ZNF385D: variants seen among roughly 807,000 people sequenced by gnomAD.
The protein encoded by ZNF385D is zinc finger protein 385D, also known as zinc finger protein 659.
A neutral mutation model predicts 35.8 loss-of-function variants in ZNF385D; 15 were observed. The observed-to-expected ratio is 0.42, with a 90% CI of 0.28 to 0.64. The LOEUF (loss-of-function observed/expected upper bound fraction) is 0.64. Among genes scored for constraint, ZNF385D ranks in the 30% least tolerant of loss-of-function variants. The pLI is 0.23. For synonymous variants in ZNF385D, 212 were observed against 186.8 expected (o/e 1.13, Z -1.10); for missense variants, 474 against 494.6 (o/e 0.96, Z 0.39).
chr3:22,035,019 T>C (rs1273345463), intron 3 of ZNF385D, among the ~76,000 whole-genome samples: 3 of 152,170 alleles, frequency 2.0e-5, no homozygotes, highest in Non-Finnish European at 4.4e-5. Flanking sequence ...TACATAAAAT[T>C]TGTACATAAA....
chr3:22,142,887 G>T (rs1011071518), intron 3 of ZNF385D, among the ~76,000 whole-genome samples: 6 of 151,924 alleles, frequency 3.9e-5, no homozygotes, highest in Non-Finnish European at 8.8e-5. Flanking sequence ...ACCCCATAAA[G>T]AATAGCAATA....
chr3:22,081,709 C>T (rs371264535), intron 3 of ZNF385D, among the ~76,000 whole-genome samples: 2 of 152,156 alleles, frequency 1.3e-5, no homozygotes, highest in South Asian at 4.1e-4. Context: ...CCACGGCAGC[C>T]TTTGAGTTAA....
In ZNF385D at chr3:21,665,059, G is replaced by C. The variant is rs201872995; in HGVS notation, c.23-31C>G. On this transcript the variant is annotated intron_variant, in intron 1 of 7. Transcript: ENST00000281523. ...AAGACCAGAGCAAAGGGAGCAATCA[G>C]GGACACCACGCATGGAAAAAAACAC... is the stretch of plus-strand genomic sequence containing the variant. 9 of 1,549,944 alleles carry C rather than the reference G, an allele frequency of 5.8e-6. No individual in the cohort carries two copies. In the Admixed American group the frequency reaches 6.2e-5, roughly 11 times the overall value.
intron 3 of ZNF385D, among the ~76,000 whole-genome samples, chr3:21,994,621 A>G (rs4292250): frequency 0.66 from 99,665 of 151,970 alleles, 33,976 homozygotes; most frequent in African/African-American, 0.83. Context: ...CATGCTTCTT[A>G]TGTCCTTACA....
intron 3 of ZNF385D, among the ~76,000 whole-genome samples, chr3:21,848,713 A>G (rs924406432): frequency 1.3e-5 from 2 of 152,112 alleles, no homozygotes; most frequent in Non-Finnish European, 2.9e-5. Flanking sequence ...GAATAGTCGT[A>G]TAACTAGTAA....
At chr3:21,977,515 G>C (rs1703707865) in intron 3 of ZNF385D, among the ~76,000 whole-genome samples, 1 of 151,984 alleles carries the variant, frequency 6.6e-6, no homozygotes. Flanking sequence ...GTGTTTGCAG[G>C]TCTACCTAAA....
At chr3:21,988,293 T>C (rs1463533071) in intron 3 of ZNF385D, among the ~76,000 whole-genome samples, 2 of 118,332 alleles carry the variant, frequency 1.7e-5, no homozygotes, top group African/African-American at 3.0e-5. Context: ...TCCCCATCTT[T>C]GTGGTTTTAT....
At chr3:22,303,385 A>C (rs1703019914) in intron 2 of ZNF385D, among the ~76,000 whole-genome samples, 1 of 152,094 alleles carries the variant, frequency 6.6e-6, no homozygotes, top group Non-Finnish European at 1.5e-5. Flanking sequence ...GTTCCCATAA[A>C]CATATGGCCT....
chr3:22,232,761 C>T (rs1698970236), intron 2 of ZNF385D, among the ~76,000 whole-genome samples: 1 of 152,164 alleles, frequency 6.6e-6, no homozygotes, highest in South Asian at 2.1e-4. Flanking sequence ...GTGTGTGCCA[C>T]ATTTTCTTTA....
In ZNF385D at chr3:22,303,683, C is replaced by T. The variant is rs146340921; in HGVS notation, c.106+68767G>A. On this transcript the variant is annotated intron_variant, in intron 2 of 5. Transcript: ENST00000494108. Reference sequence around the variant, plus strand: ...GATTTGACTTTTTATGTTGTATATACGTTTACGGTATATGTTTAATGTAAA... The same window carrying T: ...GATTTGACTTTTTATGTTGTATATATGTTTACGGTATATGTTTAATGTAAA... Among the ~76,000 whole-genome samples the T allele has an allele frequency of 5.0e-4, 76 of 152,078 alleles. 1 individual carries two copies. The highest frequency in any genetic ancestry group is 1.2e-3 in the East Asian group (6 of 5,180).
chr3:21,828,187 A>G (rs1032763469), intron 3 of ZNF385D, among the ~76,000 whole-genome samples: 5 of 152,202 alleles, frequency 3.3e-5, no homozygotes, highest in Non-Finnish European at 5.9e-5. Context: ...AACCAGAGCT[A>G]TATTTCCCAG....
At chr3:22,202,616 T>C (rs1016421574) in intron 2 of ZNF385D, among the ~76,000 whole-genome samples, 1 of 152,084 alleles carries the variant, frequency 6.6e-6, no homozygotes, top group Non-Finnish European at 1.5e-5. Context: ...CAGTACCTGG[T>C]TTTAACTTCC....
At chr3:22,359,356 C>G (rs1696308928) in intron 2 of ZNF385D, among the ~76,000 whole-genome samples, 1 of 151,750 alleles carries the variant, frequency 6.6e-6, no homozygotes, top group Admixed American at 6.6e-5. Flanking sequence ...AAAAGAAGAA[C>G]AGATGAGATT....
chr3:22,026,788 G>C (rs1697582555), intron 3 of ZNF385D, among the ~76,000 whole-genome samples: 1 of 152,194 alleles, frequency 6.6e-6, no homozygotes, highest in South Asian at 2.1e-4. Context: ...GAGGGATTGA[G>C]AACATTAGTG....
chr3:21,797,832 C>T (rs9849150), intron 3 of ZNF385D, among the ~76,000 whole-genome samples: 14,109 of 151,922 alleles, frequency 0.093, 729 homozygotes, highest in South Asian at 0.11. Context: ...TCAGTGGTTT[C>T]CAGGAATTTG....
At chr3:22,078,842 T>C (rs1010131048) in intron 3 of ZNF385D, among the ~76,000 whole-genome samples, 3 of 152,100 alleles carry the variant, frequency 2.0e-5, no homozygotes, top group African/African-American at 7.2e-5. Context: ...AGATAAGTTC[T>C]ATAATACTGT....
chr3:22,244,364 T>TAAAAAAAAAAAAAAAAAAAAAAAAAAAAA (rs34497539), intron 2 of ZNF385D, among the ~76,000 whole-genome samples: 1 of 62,558 alleles, frequency 1.6e-5, no homozygotes, highest in Admixed American at 2.4e-4. Context: ...CAACCGAATG[T>TAAAAAAAAAAAAAAAAAAAAAAAAAAAAA]AAAAAAAAAA....
rs1401674082 is a variant in ZNF385D at position 21,702,037 on chromosome 3, G to A, written c.23-37009C>T. ...GGATATGCCATTCTCGGATCTGGAGGACAGTAACCCTCTTCTCACAGCTCC... is the reference window on the plus strand; with the variant it reads ...GGATATGCCATTCTCGGATCTGGAGAACAGTAACCCTCTTCTCACAGCTCC... On this transcript the variant is annotated intron_variant, in intron 1 of 7. Transcript: ENST00000281523. Among the ~76,000 whole-genome samples the A allele has an allele frequency of 3.3e-5, 5 of 152,132 alleles. No individual in the cohort carries two copies. In the East Asian group the frequency reaches 5.8e-4, roughly 18 times the overall value.
At chr3:21,480,294 G>T (rs754309103) in intron 4 of ZNF385D, among the ~76,000 whole-genome samples, 4 of 151,898 alleles carry the variant, frequency 2.6e-5, no homozygotes, top group Non-Finnish European at 2.9e-5. Flanking sequence ...GTAGATACAG[G>T]GTTTCACCAT....
Sources: allele counts gnomAD v4.1 joint callset (sites outside exome capture counted in the v4.1 genomes callset), GRCh38; gene constraint gnomAD v4.1.1; transcripts MANE v1.5; gene names NCBI Gene and HGNC (gene_info 2026-07-23, HGNC 2026-07-21).